The following KLHL5 variants were observed in gnomAD, a reference collection of about 807,000 sequenced individuals.
KLHL5 encodes the protein kelch like family member 5, also known as kelch-like protein 5.
A neutral mutation model predicts 77.7 loss-of-function variants in KLHL5; 48 were observed. That is an observed-to-expected ratio of 0.62 (90% CI 0.49 to 0.79). The LOEUF is 0.79. KLHL5 is among the 30% of genes least tolerant of loss of function. The pLI is 0.00. For synonymous variants in KLHL5, 260 were observed against 297.0 expected (o/e 0.88, Z 1.28); for missense variants, 723 against 859.7 (o/e 0.84, Z 1.99).
intron 2 of KLHL5, among the ~76,000 whole-genome samples, chr4:39,078,608 T>C (rs182003542): frequency 6.6e-6 from 1 of 151,946 alleles, no homozygotes; most frequent in East Asian, 1.9e-4. Context: ...ATCATGAGTA[T>C]TGCTTGATCC....
intron 1 of KLHL5, among the ~76,000 whole-genome samples, chr4:39,053,993 G>T (rs1029252463): frequency 6.6e-6 from 1 of 152,132 alleles, no homozygotes; most frequent in Non-Finnish European, 1.5e-5. Flanking sequence ...CAGTTACGAT[G>T]AACTTAATTT....
chr4:39,082,244 C>G (rs1031053729), intron 4 of KLHL5, 85 bp downstream of exon 4: 6 of 1,099,522 alleles, frequency 5.5e-6, no homozygotes, highest in Middle Eastern at 2.1e-4. Context: ...TTACTGTTTT[C>G]CCATGGCTCT....
chr4:39,108,602 G>A (rs1424613189), intron 8 of KLHL5, among the ~76,000 whole-genome samples: 1 of 152,006 alleles, frequency 6.6e-6, no homozygotes, highest in Admixed American at 6.6e-5. Context: ...GTGATAAGAT[G>A]GATAAATGGA....
chr4:39,108,969 T>G (rs1722245110), intron 8 of KLHL5, among the ~76,000 whole-genome samples: 1 of 152,206 alleles, frequency 6.6e-6, no homozygotes, highest in Non-Finnish European at 1.5e-5. Context: ...TACCTTTTCT[T>G]GCCCTCTAAT....
At chr4:39,046,671 C>G (rs1387164998) in intron 1 of KLHL5, among the ~76,000 whole-genome samples, 3 of 152,124 alleles carry the variant, frequency 2.0e-5, no homozygotes, top group Non-Finnish European at 2.9e-5. Flanking sequence ...AAGGCGTTTT[C>G]CAGTAATGAG....
At position 39,071,889 on chromosome 4, in the gene KLHL5, A is replaced by G. The variant is rs117403706; in HGVS notation, c.384-4076A>G. 5.8e-4 allele frequency among the ~76,000 whole-genome samples: 89 copies of G among 152,350 alleles called. No individual in the cohort carries two copies. The East Asian group carries it at 0.014, about 24-fold the overall frequency. ...AAGTCTAATATAAAAGATTTGAATG[A>G]TCTTATGTAATTTTCTGAAATATGA... On this transcript the variant is annotated intron_variant, in intron 1 of 10. Transcript: ENST00000504108.
chr4:39,086,006 A>G lies in KLHL5; in HGVS notation c.901-509A>G, dbSNP rs115547098. ...CTCATTCCAGGGAGGATCTGAGAAG[A>G]CATCTGTGGTCTAGAATGATTCTGG... On this transcript the variant is annotated intron_variant, in intron 4 of 10. Transcript: ENST00000504108. Among the ~76,000 whole-genome samples, 1,505 of 152,290 alleles carry G rather than the reference A, an allele frequency of 9.9e-3. 23 individuals carry two copies. Among genetic ancestry groups the G allele is most frequent in the African/African-American group, 0.034 (1,414 of 41,570 alleles).
chr4:39,070,913 T>A (rs1403435774), intron 1 of KLHL5, among the ~76,000 whole-genome samples: 1 of 152,128 alleles, frequency 6.6e-6, no homozygotes, highest in Non-Finnish European at 1.5e-5. Context: ...GCTTGTTGAC[T>A]TTTTAAACAC....
chr4:39,063,567 T>C (rs2109297080), intron 1 of KLHL5: 1 of 447,194 alleles, frequency 2.2e-6, no homozygotes, highest in African/African-American at 2.0e-5. Context: ...CTGTCTGTGT[T>C]ACAGCTCTCC....
chr4:39,112,940 A>G (rs1722558188), intron 8 of KLHL5, 80 bp from the exon 9 acceptor site: 1 of 1,255,592 alleles, frequency 8.0e-7, no homozygotes, highest in Non-Finnish European at 1.1e-6. Context: ...ATTCAATGAG[A>G]TAACAACATA....
chr4:39,139,282 CAAA>C, the KLHL5 span, among the ~76,000 whole-genome samples: 11 of 57,410 alleles, frequency 1.9e-4, no homozygotes, highest in Non-Finnish European at 2.2e-4. Context: ...AACTCCATCT[CAAA>C]AAAAAAAAAA....
Position 39,107,638 on chromosome 4 carries a change from T to C in KLHL5, c.1595T>C (p.Val532Ala), listed in dbSNP as rs746474321. The C allele has an allele frequency of 1.2e-6, 2 of 1,612,352 alleles. No homozygotes were observed. Among genetic ancestry groups the C allele is most frequent in the African/African-American group, 1.3e-5 (1 of 74,828 alleles). Residue 532 changes from valine to alanine, a missense_variant, in exon 8 of 11, where the codon GTG becomes GCG. Physicochemically the swap from Val to Ala is moderately conservative, Grantham distance 64. Transcript: ENST00000504108. ...GATGGCTGGAGCTATCTGAACACAG[T>C]GGAAAGATGGGACCCTCAGGCTCGC... is the stretch of plus-strand genomic sequence containing the variant. The part of the protein sequence containing the change: ...GHDGWSYLNT[V>A]ERWDPQARQW...
At position 39,115,293 on chromosome 4, in the gene KLHL5, T is replaced by C. The variant is rs1193666110; in HGVS notation, c.2036T>C (p.Val679Ala). The change falls in exon 10 of 11, where the codon GTG becomes GCG. Residue 679 changes from valine to alanine, a missense_variant. Val to Ala is a moderately conservative substitution (Grantham distance 64, BLOSUM62 0). Transcript: ENST00000504108. ...GATGGACAGGCATACCTTAATACTGTGGAGGCTTATGATCCCCAGACAAAT... is the reference window on the plus strand; with the variant it reads ...GATGGACAGGCATACCTTAATACTGCGGAGGCTTATGATCCCCAGACAAAT... ...GYDGQAYLNTVEAYDPQTNEW... is the reference protein window; with the variant it reads ...GYDGQAYLNTAEAYDPQTNEW... 6 of 1,613,948 alleles carry C rather than the reference T, an allele frequency of 3.7e-6. No individual in the cohort carries two copies. Among genetic ancestry groups the C allele is most frequent in the Non-Finnish European group, 5.1e-6 (6 of 1,179,950 alleles).
chr4:39,057,083 CAAAT>C (rs1014583373), intron 1 of KLHL5, among the ~76,000 whole-genome samples: 1 of 152,140 alleles, frequency 6.6e-6, no homozygotes, highest in African/African-American at 2.4e-5. Flanking sequence ...CAACTTCAAC[CAAAT>C]AAAGGACATA....
chr4:39,049,869 C>T (rs1238947266), intron 1 of KLHL5, among the ~76,000 whole-genome samples: 2 of 151,822 alleles, frequency 1.3e-5, no homozygotes, highest in Non-Finnish European at 2.9e-5. Context: ...GTCAGGAGTT[C>T]GAGACCAGCC....
intron 4 of KLHL5, among the ~76,000 whole-genome samples, chr4:39,082,452 C>A (rs1719700377): frequency 6.6e-6 from 1 of 152,140 alleles, no homozygotes; most frequent in Non-Finnish European, 1.5e-5. Flanking sequence ...ATAGGACTCT[C>A]CCCAAACATT....
At chr4:39,051,011 T>G (rs765303572) in intron 1 of KLHL5, among the ~76,000 whole-genome samples, 3 of 152,226 alleles carry the variant, frequency 2.0e-5, no homozygotes, top group Non-Finnish European at 4.4e-5. Context: ...CAGAGCTTCC[T>G]GGCTTCTCCT....
upstream of KLHL5, among the ~76,000 whole-genome samples, chr4:39,058,507 C>T (rs1717156440): frequency 6.6e-6 from 1 of 151,904 alleles, no homozygotes; most frequent in Non-Finnish European, 1.5e-5. Flanking sequence ...GTCCCAGTTA[C>T]CTGGGAGGCT....
chr4:39,076,059 A>G lies in KLHL5; in HGVS notation c.478A>G (p.Thr160Ala). 1.2e-6 allele frequency: 2 copies of G among 1,609,708 alleles called. No homozygotes were observed. Among genetic ancestry groups the G allele is most frequent in the Non-Finnish European group, 1.7e-6 (2 of 1,178,872 alleles). Reference sequence around the variant, plus strand: ...CCAAGCCCTTAATCATGCCGAGCAAACATTTAAAAAAATGGAAAACTATTT... The same window carrying G: ...CCAAGCCCTTAATCATGCCGAGCAAGCATTTAAAAAAATGGAAAACTATTT... Reference protein sequence around the residue: ...FFQALNHAEQTFKKMENYLRH... With the variant: ...FFQALNHAEQAFKKMENYLRH... Residue 160 changes from threonine (T) to alanine (A), a missense_variant, in exon 2 of 11, where the codon ACA (threonine) becomes GCA (alanine). This residue lies in a region of KLHL5 where 221 missense variants were observed against 222.1 expected (regional missense o/e 1.00). Transcript: ENST00000504108.
Sources: allele counts gnomAD v4.1 joint callset (sites outside exome capture counted in the v4.1 genomes callset), GRCh38; gene constraint gnomAD v4.1.1; regional missense constraint gnomAD v4.1.1; transcripts MANE v1.5; gene names NCBI Gene and HGNC (gene_info 2026-07-23, HGNC 2026-07-21).